The following SPATS2 variants were observed in gnomAD, a reference collection of about 807,000 sequenced individuals.
The protein encoded by SPATS2 is spermatogenesis-associated serine-rich protein 2.
A neutral mutation model predicts 63.7 loss-of-function variants in SPATS2; 38 were observed. The observed-to-expected ratio is 0.60, with a 90% CI of 0.46 to 0.78. The LOEUF (loss-of-function observed/expected upper bound fraction) is 0.78, where lower values mean the gene tolerates loss of function less well. Among genes scored for constraint, SPATS2 ranks in the 30% least tolerant of loss-of-function variants. The pLI is 0.00. For synonymous variants in SPATS2, 207 were observed against 232.9 expected (o/e 0.89, Z 1.01); for missense variants, 588 against 666.2 (o/e 0.88, Z 1.29).
At chr12:49,450,528 G>T (rs1338267701) in intron 2 of SPATS2, among the ~76,000 whole-genome samples, 4 of 151,964 alleles carry the variant, frequency 2.6e-5, no homozygotes, top group Non-Finnish European at 5.9e-5. Context: ...ACAGGCGTGA[G>T]CCACCGCGCC....
intron 2 of SPATS2, among the ~76,000 whole-genome samples, chr12:49,436,393 T>TG (rs1945289592): frequency 1.6e-5 from 2 of 124,454 alleles, no homozygotes; most frequent in African/African-American, 6.2e-5. Context: ...CTGGCCGGGT[T>TG]GGGGGCTGAC....
At chr12:49,437,736 G>C (rs952095145) in intron 2 of SPATS2, among the ~76,000 whole-genome samples, 5 of 152,176 alleles carry the variant, frequency 3.3e-5, no homozygotes, top group Non-Finnish European at 7.4e-5. Context: ...GGCTGAGGCA[G>C]GAGAATCAGG....
chr12:49,401,631 C>T (rs1011474935), intron 2 of SPATS2, among the ~76,000 whole-genome samples: 1 of 152,118 alleles, frequency 6.6e-6, no homozygotes, highest in Admixed American at 6.5e-5. Context: ...AAAGATTTAA[C>T]AATTCCTTGA....
chr12:49,388,226 C>T (rs1944354469), intron 2 of SPATS2, among the ~76,000 whole-genome samples: 1 of 152,056 alleles, frequency 6.6e-6, no homozygotes, highest in Non-Finnish European at 1.5e-5. Flanking sequence ...TTAAGTGTTT[C>T]TTCGTAAGCT....
chr12:49,396,359 A>G (rs543421596), intron 2 of SPATS2, among the ~76,000 whole-genome samples: 1 of 152,210 alleles, frequency 6.6e-6, no homozygotes, highest in East Asian at 1.9e-4. Flanking sequence ...CCTTGTCTTC[A>G]TCGTGTTCTT....
chr12:49,517,978 A>G lies in SPATS2; in HGVS notation c.899-1095A>G, dbSNP rs186464832. Among the ~76,000 whole-genome samples the G allele has an allele frequency of 3.9e-5, 6 of 152,296 alleles. No individual in the cohort carries two copies. The East Asian group carries it at 1.2e-3, about 29-fold the overall frequency. ...CAGTATCCCTCTTTTTTCCAAAATG[A>G]GAATATGTTCACCACCTCCTCAATA... On this transcript the variant is annotated intron_variant, in intron 10 of 13. Transcript: ENST00000552918.
intron 6 of SPATS2, among the ~76,000 whole-genome samples, chr12:49,493,356 G>C (rs1216029991): frequency 6.6e-6 from 1 of 151,246 alleles, no homozygotes; most frequent in African/African-American, 2.4e-5. Flanking sequence ...TACTCACATG[G>C]CTCAAAATTC....
intron 2 of SPATS2, among the ~76,000 whole-genome samples, chr12:49,425,330 A>T (rs1256945281): frequency 6.6e-6 from 1 of 151,966 alleles, no homozygotes; most frequent in Non-Finnish European, 1.5e-5. Context: ...TAGTTTATTG[A>T]TGTATTTACT....
At chr12:49,490,643 G>A in intron 5 of SPATS2, 39 bp from the exon 6 acceptor site, 1 of 1,593,754 alleles carries the variant, frequency 6.3e-7, no homozygotes, top group Non-Finnish European at 8.6e-7. Context: ...TACTGTGTGT[G>A]TGGTAGGAGA....
intron 3 of SPATS2, among the ~76,000 whole-genome samples, chr12:49,482,511 C>G (rs1376906862): frequency 6.6e-6 from 1 of 152,302 alleles, no homozygotes; most frequent in Middle Eastern, 3.4e-3. Context: ...TCTCAAGTAG[C>G]AGTGCACATT....
intron 2 of SPATS2, among the ~76,000 whole-genome samples, chr12:49,443,215 C>T (rs1199943039): frequency 6.6e-6 from 1 of 152,220 alleles, no homozygotes; most frequent in East Asian, 1.9e-4. Flanking sequence ...CATAGGTGTG[C>T]AGATATCTCT....
chr12:49,479,594 T>G (rs1353986045), intron 3 of SPATS2, among the ~76,000 whole-genome samples: 1 of 152,178 alleles, frequency 6.6e-6, no homozygotes, highest in Non-Finnish European at 1.5e-5. Context: ...GTTTTGGCAG[T>G]GGCACCTGGG....
chr12:49,457,226 C>T (rs553027259), intron 2 of SPATS2, among the ~76,000 whole-genome samples: 1 of 151,902 alleles, frequency 6.6e-6, no homozygotes, highest in African/African-American at 2.4e-5. Flanking sequence ...ATGGAAATTT[C>T]TTCTCTCATT....
At chr12:49,473,467 AT>A (rs987668211) in intron 3 of SPATS2, among the ~76,000 whole-genome samples, 8 of 152,144 alleles carry the variant, frequency 5.3e-5, no homozygotes, top group Non-Finnish European at 1.0e-4. Context: ...GAGAATCTAA[AT>A]TGGTACAGTG....
In SPATS2 at chr12:49,404,538, C is replaced by A. The variant is rs1232569220; in HGVS notation, c.-244+33248C>A. ...AGGTGATCCTCCTTCCTTGGCCTCC[C>A]AAAGTGCTGGGATTATAGGCGTGAG... On this transcript the variant is annotated intron_variant, in intron 2 of 13. Coordinates refer to ENST00000552918, the MANE Select transcript of SPATS2 (RefSeq NM_023071.4). 2.6e-5 allele frequency among the ~76,000 whole-genome samples: 4 copies of A among 152,230 alleles called. No individual in the cohort carries two copies. In the South Asian group the frequency reaches 8.3e-4, roughly 32 times the overall value.
At chr12:49,445,503 A>G (rs1565725948) in intron 2 of SPATS2, among the ~76,000 whole-genome samples, 1 of 151,508 alleles carries the variant, frequency 6.6e-6, no homozygotes, top group Admixed American at 6.6e-5. Flanking sequence ...ATATATATAT[A>G]TTTATTTTCT....
intron 8 of SPATS2, among the ~76,000 whole-genome samples, chr12:49,497,745 C>G (rs1006688437): frequency 1.3e-5 from 2 of 152,036 alleles, no homozygotes. Context: ...ACTTCATGCT[C>G]TTACTGAGCT....
chr12:49,449,421 G>C (rs539173282), intron 2 of SPATS2, among the ~76,000 whole-genome samples: 1 of 152,098 alleles, frequency 6.6e-6, no homozygotes, highest in Non-Finnish European at 1.5e-5. Context: ...TCACCATGTT[G>C]GTTAGGCTGA....
rs145459129 is a variant in SPATS2 at position 49,479,211 on chromosome 12, C to T, written c.26-5379C>T. Among the ~76,000 whole-genome samples, 188 of 152,332 alleles carry T rather than the reference C, an allele frequency of 1.2e-3. 1 individual carries two copies. The highest frequency in any genetic ancestry group is 4.1e-3 in the African/African-American group (169 of 41,574). On this transcript the variant is annotated intron_variant, in intron 3 of 13. Transcript: ENST00000552918. ...TGGCCATGGGCGGGCCTGGAAAAGG[C>T]ACCACAAGTCACTACCCGAGTATGC... is the stretch of plus-strand genomic sequence containing the variant.
Sources: allele counts gnomAD v4.1 joint callset (sites outside exome capture counted in the v4.1 genomes callset), GRCh38; gene constraint gnomAD v4.1.1; transcripts MANE v1.5; gene names NCBI Gene and HGNC (gene_info 2026-07-23, HGNC 2026-07-21).